Variants in PCLO observed in about 807,000 individuals in gnomAD.
The protein encoded by PCLO is protein piccolo.
A neutral mutation model predicts 427.5 loss-of-function variants in PCLO; 82 were observed. That is an observed-to-expected ratio of 0.19 (90% CI 0.16 to 0.23). PCLO has a LOEUF of 0.23. Ranked by LOEUF, PCLO falls within the 10% of genes least tolerant of loss-of-function variation. The pLI is 1.00. For missense variants in PCLO, 6,239 were observed against 6,115.9 expected (o/e 1.02, Z -0.67); for synonymous variants, 2,357 against 2,155.4 (o/e 1.09, Z -2.59).
chr7:83,019,342 AC>A (rs1289529526), intron 3 of PCLO, among the ~76,000 whole-genome samples: 1 of 151,898 alleles, frequency 6.6e-6, no homozygotes, highest in Non-Finnish European at 1.5e-5. Context: ...TTAATTTTAA[AC>A]CTATCTAGGC....
Position 82,916,766 on chromosome 7 carries a change from G to A in PCLO, c.11220C>T (p.Phe3740=). The change falls in exon 7 of 25, where the codon TTC becomes TTT. Residue 3740 remains phenylalanine, a synonymous_variant. Transcript: ENST00000333891. Reference sequence around the variant, plus strand: ...TCCTGGAAACTGTGCCCATTGTGCTGAATGTGGATTGAGTTCCTGTGGAAA... The same window carrying A: ...TCCTGGAAACTGTGCCCATTGTGCTAAATGTGGATTGAGTTCCTGTGGAAA... ...EEISTGTQST[F]STMGTVSRRR... 6.2e-7 allele frequency: 1 copy of A among 1,613,660 alleles called. No individual in the cohort carries two copies. The highest frequency in any genetic ancestry group is 8.5e-7 in the Non-Finnish European group (1 of 1,179,712).
chr7:82,801,385 T>C (rs1583989455), intron 22 of PCLO, 133 bp downstream of exon 22: 2 of 528,872 alleles, frequency 3.8e-6, no homozygotes, highest in East Asian at 3.1e-5. Context: ...TAATAGATAA[T>C]GATATCTTAC....
intron 22 of PCLO, 45 bp downstream of exon 22, chr7:82,801,473 G>T: frequency 1.0e-6 from 1 of 954,836 alleles, no homozygotes; most frequent in Non-Finnish European, 1.7e-6. Context: ...TTATACTGTA[G>T]AATGCAGATT....
intron 3 of PCLO, among the ~76,000 whole-genome samples, chr7:83,094,210 CTTTT>C (rs767490139): frequency 7.9e-6 from 1 of 126,016 alleles, no homozygotes; most frequent in Non-Finnish European, 1.6e-5. Context: ...ATTTTTTTTT[CTTTT>C]TTTTTTTTTT....
At chr7:83,040,704 T>G (rs952735134) in intron 3 of PCLO, among the ~76,000 whole-genome samples, 4 of 152,142 alleles carry the variant, frequency 2.6e-5, no homozygotes, top group Admixed American at 6.6e-5. Context: ...TGAGAGTGTC[T>G]TTAGGCTGAA....
chr7:82,766,873 T>A (rs1790542321), intron 22 of PCLO, among the ~76,000 whole-genome samples: 1 of 152,156 alleles, frequency 6.6e-6, no homozygotes, highest in Non-Finnish European at 1.5e-5. Context: ...TGAAATTTTT[T>A]TTATAAGTTT....
At position 82,755,417 on chromosome 7, in the gene PCLO, G is replaced by A. The variant is rs1180695327; in HGVS notation, c.*3158C>T. On this transcript the variant is annotated 3_prime_UTR_variant, in exon 25 of 25. Coordinates refer to ENST00000333891, the MANE Select transcript of PCLO (RefSeq NM_033026.6). ...AAAACACCAACTTCGTGCTACTAGG[G>A]TTATTTGTGTCTGTAATGACTATTC... 1.3e-5 allele frequency: 2 copies of A among 151,952 alleles called. No individual in the cohort carries two copies. The highest frequency in any genetic ancestry group is 2.9e-5 in the Non-Finnish European group (2 of 68,014). The allele number at this position is 151,952 out of a possible 1,614,324, so 9.4% of individuals were successfully genotyped here. A position where few individuals can be genotyped will look rare whatever the true frequency, so the allele number is the denominator to read the frequency against.
Position 83,155,022 on chromosome 7 carries a change from G to A in PCLO, c.1619C>T (p.Ser540Leu). 6.2e-7 allele frequency: 1 copy of A among 1,613,978 alleles called. No homozygotes were observed. The highest frequency in any genetic ancestry group is 1.1e-5 in the South Asian group (1 of 91,080). ...PSQQPGSAKP[S>L]AQQPSPAKPS... The stretch of plus-strand genomic sequence containing the variant: ...CTTTGCTGGGCTAGGCTGTTGAGCT[G>A]AGGGTTTTGCTGAGCCAGGCTGTTG... Residue 540 changes from serine (S) to leucine (L), a missense_variant, in exon 2 of 25, where the codon TCA becomes TTA. Physicochemically the swap from Ser to Leu is moderately radical, Grantham distance 145. Coordinates refer to ENST00000333891, the MANE Select transcript of PCLO (RefSeq NM_033026.6).
intron 3 of PCLO, among the ~76,000 whole-genome samples, chr7:83,027,762 T>A (rs1185745153): frequency 2.4e-3 from 275 of 114,350 alleles, no homozygotes; most frequent in Middle Eastern, 0.012. Context: ...TCCACCATGA[T>A]CAAGTGGGCT....
At chr7:82,885,154 T>C (rs1768746559) in intron 9 of PCLO, among the ~76,000 whole-genome samples, 1 of 152,138 alleles carries the variant, frequency 6.6e-6, no homozygotes, top group South Asian at 2.1e-4. Context: ...CTACCATAAT[T>C]ATTTTAGATT....
chr7:82,990,590 T>C (rs1796354621), intron 3 of PCLO, among the ~76,000 whole-genome samples: 1 of 152,108 alleles, frequency 6.6e-6, no homozygotes, highest in Admixed American at 6.6e-5. Flanking sequence ...CACTTGCACA[T>C]CCAAGACTGT....
chr7:82,877,064 G>A (rs1793390627), intron 10 of PCLO, among the ~76,000 whole-genome samples: 1 of 152,086 alleles, frequency 6.6e-6, no homozygotes, highest in Non-Finnish European at 1.5e-5. Context: ...TTTAGTAGCA[G>A]TCTTAGAGCT....
chr7:83,086,609 T>A (rs1312208590), intron 3 of PCLO, among the ~76,000 whole-genome samples: 1 of 152,048 alleles, frequency 6.6e-6, no homozygotes, highest in Non-Finnish European at 1.5e-5. Flanking sequence ...AGTACGGCAT[T>A]AATCTGGCCT....
chr7:83,144,324 G>A (rs1791939091), intron 2 of PCLO, among the ~76,000 whole-genome samples: 2 of 152,118 alleles, frequency 1.3e-5, no homozygotes, highest in Admixed American at 1.3e-4. Flanking sequence ...AGGAGGCTGA[G>A]GCAGGAGAAT....
intron 4 of PCLO, among the ~76,000 whole-genome samples, chr7:82,958,200 AGT>A (rs1362787433): frequency 6.6e-6 from 1 of 152,044 alleles, no homozygotes; most frequent in East Asian, 1.9e-4. Flanking sequence ...CAATATTTTC[AGT>A]GTGTGTTGGC....
chr7:83,105,770 G>T (rs1252150055), intron 3 of PCLO, among the ~76,000 whole-genome samples: 1 of 152,166 alleles, frequency 6.6e-6, no homozygotes, highest in Non-Finnish European at 1.5e-5. Context: ...AGAACTAAGT[G>T]TGCCATGAAC....
Position 82,846,627 on chromosome 7 carries a change from T to G in PCLO, c.13771A>C (p.Asn4591His). ...EAEICVRLDL[N>H]MLSDSENSQH... ...GAATTTTCAGAATCTGATAGCATATTGAGGTCCCTAAAAATTAAAACAAAA... is the reference window on the plus strand; with the variant it reads ...GAATTTTCAGAATCTGATAGCATATGGAGGTCCCTAAAAATTAAAACAAAA... The change falls in exon 12 of 25, where the codon AAT becomes CAT. Residue 4591 changes from asparagine (N) to histidine (H), a missense_variant. Transcript: ENST00000333891. 6.3e-7 allele frequency: 1 copy of G among 1,598,464 alleles called. No homozygotes were observed. The highest frequency in any genetic ancestry group is 8.5e-7 in the Non-Finnish European group (1 of 1,171,154).
Position 83,136,750 on chromosome 7 carries a change from A to T in PCLO, c.1894-1094T>A, listed in dbSNP as rs374936684. Among the ~76,000 whole-genome samples, 10 of 152,276 alleles carry T rather than the reference A, an allele frequency of 6.6e-5. 1 individual carries two copies. The highest frequency in any genetic ancestry group is 4.6e-4 in the Admixed American group (7 of 15,284). On this transcript the variant is annotated intron_variant, in intron 2 of 24. Transcript: ENST00000333891. Reference sequence around the variant, plus strand: ...ACTGGTGATATATACATGTACATGTATGCATGTGAATGAGAGAGATTTGTA... The same window carrying T: ...ACTGGTGATATATACATGTACATGTTTGCATGTGAATGAGAGAGATTTGTA...
chr7:82,829,342 T>A (rs1792031941), intron 16 of PCLO, among the ~76,000 whole-genome samples: 1 of 152,166 alleles, frequency 6.6e-6, no homozygotes, highest in African/African-American at 2.4e-5. Context: ...CGAAGGAAAG[T>A]CTGACTTGAT....
Sources: allele counts gnomAD v4.1 joint callset (sites outside exome capture counted in the v4.1 genomes callset), GRCh38; gene constraint gnomAD v4.1.1; transcripts MANE v1.5; gene names NCBI Gene and HGNC (gene_info 2026-07-23, HGNC 2026-07-21).